The following KIF4B variants were observed in gnomAD, a reference collection of about 807,000 sequenced individuals.
KIF4B encodes the protein kinesin family member 4B.
Under a neutral mutation model 69.0 loss-of-function variants are expected in KIF4B, and 60 were observed. That is an observed-to-expected ratio of 0.87 (90% confidence interval 0.71 to 1.08). The LOEUF (loss-of-function observed/expected upper bound fraction) is 1.08, where lower values mean the gene tolerates loss of function less well. Ranked by LOEUF, KIF4B falls within the 50% of genes least tolerant of loss-of-function variation. The pLI is 0.00. For synonymous variants in KIF4B, 489 were observed against 533.0 expected (o/e 0.92, Z 1.14); for missense variants, 1,357 against 1,451.9 (o/e 0.93, Z 1.06).
In KIF4B at chr5:155,017,994, A is replaced by T. The variant is rs1432662314; in HGVS notation, c.*430A>T. 5.2e-6 allele frequency: 1 copy of T among 192,148 alleles called. No homozygotes were observed. The highest frequency in any genetic ancestry group is 2.4e-5 in the African/African-American group (1 of 41,956). The allele number at this position is 192,148 out of a possible 1,614,324, so 11.9% of individuals were successfully genotyped here. A position where few individuals can be genotyped will look rare whatever the true frequency, so the allele number is the denominator to read the frequency against. ...TCAGATCTTTCACTCCACCTCGGGA[A>T]TGGGGTTGTGATCTTTCCTGTCCTG... is the stretch of plus-strand genomic sequence containing the variant. On this transcript the variant is annotated 3_prime_UTR_variant, in exon 1 of 1. Transcript: ENST00000435029.
At position 155,016,222 on chromosome 5, in the gene KIF4B, G is replaced by A. The variant is rs370994878; in HGVS notation, c.2363G>A (p.Arg788Gln). 1.1e-5 allele frequency: 18 copies of A among 1,613,964 alleles called. No homozygotes were observed. Among genetic ancestry groups the A allele is most frequent in the African/African-American group, 1.1e-4 (8 of 74,902 alleles). Residue 788 changes from arginine (R) to glutamine (Q), a missense_variant, in exon 1 of 1, where the codon CGG (arginine) becomes CAG (glutamine). Physicochemically the swap from Arg to Gln is conservative, Grantham distance 43. Transcript: ENST00000435029. ...VVQLKEKKES[R>Q]ENPPPKLRKC... ...CAACTCAAAGAAAAAAAGGAATCTC[G>A]GGAGAATCCACCTCCTAAACTCCGG... is the stretch of plus-strand genomic sequence containing the variant.
rs778337597 is a variant in KIF4B, at chr5:155,014,314, T to C, written c.455T>C (p.Leu152Pro). Reference protein sequence around the residue: ...EIYNEEILDLLCPSREKAQIN... With the variant: ...EIYNEEILDLPCPSREKAQIN... ...TACAATGAAGAAATTTTGGATCTTCTATGCCCATCTCGTGAGAAAGCTCAA... is the reference window on the plus strand; with the variant it reads ...TACAATGAAGAAATTTTGGATCTTCCATGCCCATCTCGTGAGAAAGCTCAA... Residue 152 changes from leucine to proline, a missense_variant, in exon 1 of 1, where the codon CTA (leucine) becomes CCA (proline). Physicochemically the swap from Leu to Pro is moderately conservative, Grantham distance 98. Transcript: ENST00000435029. 1.9e-6 allele frequency: 3 copies of C among 1,614,240 alleles called. No individual in the cohort carries two copies. Among genetic ancestry groups the C allele is most frequent in the Non-Finnish European group, 2.5e-6 (3 of 1,180,046 alleles).
At position 155,013,966 on chromosome 5, in the gene KIF4B, C is replaced by G; in HGVS notation, c.107C>G (p.Pro36Arg). The stretch of plus-strand genomic sequence containing the variant: ...TGCCAGATGTGCCTTTCCTTCGTGC[C>G]CGGGGAGACTCAGGTGGTGGTTGGT... The part of the protein sequence containing the change: ...EGCQMCLSFV[P>R]GETQVVVGTD... The change falls in exon 1 of 1, where the codon CCC becomes CGC. Residue 36 changes from proline (P) to arginine (R), a missense_variant. Physicochemically the swap from Pro to Arg is moderately radical, Grantham distance 103 (BLOSUM62 -2). Transcript: ENST00000435029. The G allele has an allele frequency of 6.2e-7, 1 of 1,614,222 alleles. No homozygotes were observed. The highest frequency in any genetic ancestry group is 8.5e-7 in the Non-Finnish European group (1 of 1,180,042).
chr5:155,015,814 G>T lies in KIF4B; in HGVS notation c.1955G>T (p.Arg652Leu). Residue 652 changes from arginine to leucine, a missense_variant, in exon 1 of 1, where the codon CGT becomes CTT. By Grantham distance (102) the Arg-to-Leu change is moderately radical. Transcript: ENST00000435029. ...MMKNQRVQLMRQMKEDAEKFR... is the reference protein window; with the variant it reads ...MMKNQRVQLMLQMKEDAEKFR... The stretch of plus-strand genomic sequence containing the variant: ...AAAAACCAGCGGGTACAGTTAATGC[G>T]TCAAATGAAAGAGGATGCTGAGAAG... 2 of 1,614,174 alleles carry T rather than the reference G, an allele frequency of 1.2e-6. No homozygotes were observed. Among genetic ancestry groups the T allele is most frequent in the Non-Finnish European group, 1.7e-6 (2 of 1,180,024 alleles).
In KIF4B at chr5:155,014,644, A is replaced by G. The variant is rs761354039; in HGVS notation, c.785A>G (p.Asn262Ser). The G allele has an allele frequency of 1.2e-6, 2 of 1,614,158 alleles. No homozygotes were observed. Among genetic ancestry groups the G allele is most frequent in the Non-Finnish European group, 1.7e-6 (2 of 1,180,038 alleles). The change falls in exon 1 of 1, where the codon AAT becomes AGT. Residue 262 changes from asparagine (N) to serine (S), a missense_variant. Coordinates refer to ENST00000435029, the MANE Select transcript of KIF4B (RefSeq NM_001099293.3). Reference sequence around the variant, plus strand: ...GGGGATCGTCTAAAAGAGGGTATTAATATTAACCGAGGCCTCCTATGCTTG... The same window carrying G: ...GGGGATCGTCTAAAAGAGGGTATTAGTATTAACCGAGGCCTCCTATGCTTG... ...AEGDRLKEGI[N>S]INRGLLCLGN...
chr5:155,014,968 G>A lies in KIF4B; in HGVS notation c.1109G>A (p.Gly370Glu). The change falls in exon 1 of 1, where the codon GGA becomes GAA. Residue 370 changes from glycine (G) to glutamate (E), a missense_variant. Physicochemically the swap from Gly to Glu is moderately conservative, Grantham distance 98 (BLOSUM62 -2). Transcript: ENST00000435029. ...CAAGTCTTGTTGCTACAAGCCCATGGAGGTACCCTGCCTGGATCTATAAAT... is the reference window on the plus strand; with the variant it reads ...CAAGTCTTGTTGCTACAAGCCCATGAAGGTACCCTGCCTGGATCTATAAAT... ...QLQVLLLQAHGGTLPGSINAE... is the reference protein window; with the variant it reads ...QLQVLLLQAHEGTLPGSINAE... 6.2e-7 allele frequency: 1 copy of A among 1,614,190 alleles called. No individual in the cohort carries two copies. Among genetic ancestry groups the A allele is most frequent in the Non-Finnish European group, 8.5e-7 (1 of 1,180,028 alleles).
Position 155,017,773 on chromosome 5 carries a change from C to T in KIF4B, c.*209C>T, listed in dbSNP as rs76723752. 3.3e-3 allele frequency: 2,889 copies of T among 872,218 alleles called. 51 individuals are homozygous for T. In the African/African-American group the frequency reaches 0.043, roughly 13 times the overall value. 54.0% of individuals were successfully genotyped at this position (872,218 alleles called of 1,614,324 possible). On this transcript the variant is annotated 3_prime_UTR_variant, in exon 1 of 1. Coordinates refer to ENST00000435029, the MANE Select transcript of KIF4B (RefSeq NM_001099293.3). ...CTACTGCTCTCTGCTCTCTAGAAGG[C>T]TGCTAAACCACCTGCTGAAGAGAGA...
chr5:155,014,887 A>C lies in KIF4B; in HGVS notation c.1028A>C (p.Asn343Thr), dbSNP rs1765297194. Reference sequence around the variant, plus strand: ...AAAATCAAGAACAAACCTATTGTTAATATTGATCCCCACACAGCTGAACTT... The same window carrying C: ...AAAATCAAGAACAAACCTATTGTTACTATTGATCCCCACACAGCTGAACTT... ...ARKIKNKPIV[N>T]IDPHTAELNH... The change falls in exon 1 of 1, where the codon AAT (asparagine) becomes ACT (threonine). Residue 343 changes from asparagine to threonine, a missense_variant. Physicochemically the swap from Asn to Thr is moderately conservative, Grantham distance 65. Transcript: ENST00000435029. The C allele has an allele frequency of 6.2e-7, 1 of 1,614,196 alleles. No individual in the cohort carries two copies. The highest frequency in any genetic ancestry group is 1.3e-5 in the African/African-American group (1 of 75,054).
At position 155,014,165 on chromosome 5, in the gene KIF4B, C is replaced by A. The variant is rs760750980; in HGVS notation, c.306C>A (p.Tyr102Ter). The A allele has an allele frequency of 3.1e-6, 5 of 1,614,244 alleles. No homozygotes were observed. The highest frequency in any genetic ancestry group is 3.4e-6 in the Non-Finnish European group (4 of 1,180,050). Residue 102 changes from tyrosine (Y) to a stop codon, truncating the protein, a stop_gained, in exon 1 of 1, where the codon TAC becomes TAA. Coordinates refer to ENST00000435029, the MANE Select transcript of KIF4B (RefSeq NM_001099293.3). LOFTEE classifies it high-confidence loss of function. ...AAACCTATTCAATGGGAGGTGCATA[C>A]ACTGCGGAGCAGGAGAATGAACCAA... ...SGKTYSMGGA[Y>*]TAEQENEPTV...
Position 155,017,572 on chromosome 5 carries a change from GTCA to G in KIF4B, c.*14_*16del, listed in dbSNP as rs1252272817. ...GAAGAAGAGGCCCACTGAAGTTGGA[GTCA>G]TCATCTCTACCCCCAATCTGGCTTG... On this transcript the variant is annotated 3_prime_UTR_variant, in exon 1 of 1. Coordinates refer to ENST00000435029, the MANE Select transcript of KIF4B (RefSeq NM_001099293.3). The G allele has an allele frequency of 8.7e-6, 14 of 1,610,048 alleles. No individual in the cohort carries two copies. Among genetic ancestry groups the G allele is most frequent in the Non-Finnish European group, 1.1e-5 (13 of 1,179,032 alleles).
chr5:155,013,888 T>G lies in KIF4B; in HGVS notation c.29T>G (p.Val10Gly), dbSNP rs770396715. MKEEVKGIP[V>G]RVALRCRPLV... ...AAGGAAGAGGTGAAGGGAATTCCTG[T>G]AAGAGTGGCACTGCGTTGTCGCCCT... is the stretch of plus-strand genomic sequence containing the variant. Residue 10 changes from valine to glycine, a missense_variant, in exon 1 of 1, where the codon GTA becomes GGA. Val to Gly is a moderately radical substitution (Grantham distance 109). Transcript: ENST00000435029. 1.2e-5 allele frequency: 19 copies of G among 1,613,768 alleles called. No homozygotes were observed. In the Admixed American group the frequency reaches 3.2e-4, roughly 27 times the overall value.
Position 155,013,763 on chromosome 5 carries a change from A to G in KIF4B, c.-97A>G. Reference sequence around the variant, plus strand: ...GTTGGTGTCTCTGGGAGGGATTTGAAACTTGGCGGTTAAAGCTCCGGCTGG... The same window carrying G: ...GTTGGTGTCTCTGGGAGGGATTTGAGACTTGGCGGTTAAAGCTCCGGCTGG... On this transcript the variant is annotated 5_prime_UTR_variant, in exon 1 of 1. Coordinates refer to ENST00000435029, the MANE Select transcript of KIF4B (RefSeq NM_001099293.3). 1 of 1,555,038 alleles carries G rather than the reference A, an allele frequency of 6.4e-7. No individual in the cohort carries two copies. The highest frequency in any genetic ancestry group is 8.7e-7 in the Non-Finnish European group (1 of 1,148,608).
rs1427297587 is a variant in KIF4B, at chr5:155,016,538, C to A, written c.2679C>A (p.Ala893=). 6.2e-7 allele frequency: 1 copy of A among 1,614,014 alleles called. No homozygotes were observed. Among genetic ancestry groups the A allele is most frequent in the Non-Finnish European group, 8.5e-7 (1 of 1,180,050 alleles). ...KLENSLRQSK[A]SCADMQKMLF... ...AAAACAGCCTGAGACAGAGCAAGGC[C>A]AGCTGTGCTGACATGCAGAAGATGC... The change falls in exon 1 of 1, where the codon GCC becomes GCA. Residue 893 remains alanine, a synonymous_variant. Coordinates refer to ENST00000435029, the MANE Select transcript of KIF4B (RefSeq NM_001099293.3).
Position 155,017,544 on chromosome 5 carries a change from A to T in KIF4B, c.3685A>T (p.Ile1229Phe). The change falls in exon 1 of 1, where the codon ATC becomes TTC. Residue 1229 changes from isoleucine to phenylalanine, a missense_variant. Transcript: ENST00000435029. ...NTSFFSGCSP[I>F]EEEAH ...CAGCTTCTTCTCTGGCTGCTCCCCT[A>T]TCGAAGAAGAGGCCCACTGAAGTTG... The T allele has an allele frequency of 6.2e-7, 1 of 1,612,788 alleles. No individual in the cohort carries two copies. Among genetic ancestry groups the T allele is most frequent in the Non-Finnish European group, 8.5e-7 (1 of 1,179,846 alleles).
Position 155,015,766 on chromosome 5 carries a change from T to G in KIF4B, c.1907T>G (p.Leu636Arg). 1 of 1,614,142 alleles carries G rather than the reference T, an allele frequency of 6.2e-7. No individual in the cohort carries two copies. Among genetic ancestry groups the G allele is most frequent in the Non-Finnish European group, 8.5e-7 (1 of 1,180,026 alleles). ...KESTERTVSKLNQEIWMMKNQ... is the reference protein window; with the variant it reads ...KESTERTVSKRNQEIWMMKNQ... ...TCCACAGAGCGTACTGTCTCCAAGCTGAACCAAGAGATATGGATGATGAAA... is the reference window on the plus strand; with the variant it reads ...TCCACAGAGCGTACTGTCTCCAAGCGGAACCAAGAGATATGGATGATGAAA... The change falls in exon 1 of 1, where the codon CTG becomes CGG. Residue 636 changes from leucine (L) to arginine (R), a missense_variant. Coordinates refer to ENST00000435029, the MANE Select transcript of KIF4B (RefSeq NM_001099293.3).
rs751045262 is a variant in KIF4B, at chr5:155,015,353, G to A, written c.1494G>A (p.Val498=). The stretch of plus-strand genomic sequence containing the variant: ...CTGCGGTAGAAGAAGAAGCTCAAGT[G>A]GAAACCAGTCCAGAGACAAGCAGGT... The part of the protein sequence containing the change: ...IDTAVEEEAQ[V]ETSPETSRSS... Residue 498 remains valine (V), a synonymous_variant, in exon 1 of 1, where the codon GTG becomes GTA. Coordinates refer to ENST00000435029, the MANE Select transcript of KIF4B (RefSeq NM_001099293.3). 2.5e-6 allele frequency: 4 copies of A among 1,614,068 alleles called. No individual in the cohort carries two copies. The highest frequency in any genetic ancestry group is 1.7e-5 in the Admixed American group (1 of 60,004).
In KIF4B at chr5:155,015,228, C is replaced by A. The variant is rs772803722; in HGVS notation, c.1369C>A (p.Gln457Lys). Residue 457 changes from glutamine to lysine, a missense_variant, in exon 1 of 1, where the codon CAG (glutamine) becomes AAG (lysine). Coordinates refer to ENST00000435029, the MANE Select transcript of KIF4B (RefSeq NM_001099293.3). ...LQKLVETLED[Q>K]ELKENVEIIC... The stretch of plus-strand genomic sequence containing the variant: ...AAAGCTAGTGGAGACTTTGGAAGAC[C>A]AGGAATTGAAAGAAAATGTAGAGAT... The A allele has an allele frequency of 4.3e-5, 69 of 1,614,066 alleles. No individual in the cohort carries two copies. Among genetic ancestry groups the A allele is most frequent in the Non-Finnish European group, 5.3e-5 (63 of 1,180,050 alleles).
Position 155,016,086 on chromosome 5 carries a change from G to A in KIF4B, c.2227G>A (p.Val743Met). ...TGGAAAGGAAGGTATTGCAGCTCGA[G>A]TGAGGAATTGGCTTGGAAATGAAAT... ...SHGKEGIAAR[V>M]RNWLGNEIEV... The change falls in exon 1 of 1, where the codon GTG (valine) becomes ATG (methionine). Residue 743 changes from valine (V) to methionine (M), a missense_variant. Physicochemically the swap from Val to Met is conservative, Grantham distance 21. Transcript: ENST00000435029. 3 of 1,614,218 alleles carry A rather than the reference G, an allele frequency of 1.9e-6. No homozygotes were observed. The highest frequency in any genetic ancestry group is 2.5e-6 in the Non-Finnish European group (3 of 1,180,040).
rs2113057521 is a variant in KIF4B, at chr5:155,016,124, C to T, written c.2265C>T (p.Val755=). The change falls in exon 1 of 1, where the codon GTC becomes GTT. Residue 755 remains valine, a synonymous_variant. Transcript: ENST00000435029. ...NWLGNEIEVM[V]STEEAKRHLN... is the part of the protein sequence containing the mutation. Reference sequence around the variant, plus strand: ...TTGGAAATGAAATTGAGGTTATGGTCAGTACTGAGGAAGCCAAACGCCATC... The same window carrying T: ...TTGGAAATGAAATTGAGGTTATGGTTAGTACTGAGGAAGCCAAACGCCATC... 1.9e-6 allele frequency: 3 copies of T among 1,614,096 alleles called. No homozygotes were observed. Among genetic ancestry groups the T allele is most frequent in the Non-Finnish European group, 1.7e-6 (2 of 1,180,022 alleles).
Sources: allele counts gnomAD v4.1 joint callset, GRCh38; gene constraint gnomAD v4.1.1; transcripts MANE v1.5; gene names NCBI Gene and HGNC (gene_info 2026-07-23, HGNC 2026-07-21).